SLC35D4: variants seen among roughly 807,000 people sequenced by gnomAD.
The protein encoded by SLC35D4 is solute carrier family 35 member D4.
the SLC35D4 span, among the ~76,000 whole-genome samples, chr18:23,380,041 G>T: frequency 6.6e-6 from 1 of 152,052 alleles, no homozygotes; most frequent in South Asian, 2.1e-4. Context: ...AGATTGCAGT[G>T]AACTGAGATC....
the SLC35D4 span, among the ~76,000 whole-genome samples, chr18:23,240,360 A>C: frequency 1.3e-5 from 2 of 152,190 alleles, no homozygotes; most frequent in African/African-American, 4.8e-5. Context: ...CCTTCCCCCT[A>C]CACACACACA....
the SLC35D4 span, chr18:23,385,107 T>A: frequency 6.3e-7 from 1 of 1,576,220 alleles, no homozygotes; most frequent in African/African-American, 1.3e-5. Flanking sequence ...AATATTTTCT[T>A]CGATCTCATA....
At chr18:23,287,079 C>T in the SLC35D4 span, among the ~76,000 whole-genome samples, 80 of 152,020 alleles carry the variant, frequency 5.3e-4, no homozygotes, top group Middle Eastern at 3.4e-3. Flanking sequence ...AGGATTAAAG[C>T]CTGTTATCAC....
the SLC35D4 span, among the ~76,000 whole-genome samples, chr18:23,273,874 A>G: frequency 6.6e-6 from 1 of 152,124 alleles, no homozygotes; most frequent in African/African-American, 2.4e-5. Flanking sequence ...ACATTACTAT[A>G]ATTTTTTTCC....
the SLC35D4 span, among the ~76,000 whole-genome samples, chr18:23,343,165 C>T: frequency 6.6e-6 from 1 of 152,206 alleles, no homozygotes; most frequent in South Asian, 2.1e-4. Flanking sequence ...TCAGGTGATC[C>T]ACCTGCCTCG....
chr18:23,260,582 C>CT, the SLC35D4 span: 1 of 152,538 alleles, frequency 6.6e-6, no homozygotes, highest in Non-Finnish European at 1.5e-5. Context: ...AGCCTGAAGC[C>CT]TTTCTGCCCT....
the SLC35D4 span, among the ~76,000 whole-genome samples, chr18:23,249,286 C>T: frequency 6.6e-6 from 1 of 152,164 alleles, no homozygotes; most frequent in African/African-American, 2.4e-5. Flanking sequence ...CAGGGCATCC[C>T]AGGAGGAGGT....
At chr18:23,341,030 C>T in the SLC35D4 span, among the ~76,000 whole-genome samples, 1 of 152,214 alleles carries the variant, frequency 6.6e-6, no homozygotes, top group Non-Finnish European at 1.5e-5. Flanking sequence ...CACACCACAT[C>T]TTCCTTTCAC....
chr18:23,336,015 T>G, the SLC35D4 span, among the ~76,000 whole-genome samples: 1 of 151,610 alleles, frequency 6.6e-6, no homozygotes, highest in Admixed American at 6.6e-5. Context: ...AAGATTGTGA[T>G]GATCAAAGGC....
At chr18:23,254,513 A>AAGAT in the SLC35D4 span, among the ~76,000 whole-genome samples, 1 of 152,358 alleles carries the variant, frequency 6.6e-6, no homozygotes, top group Admixed American at 6.5e-5. Flanking sequence ...ATCCATTGAG[A>AAGAT]AGATAGTTTG....
the SLC35D4 span, among the ~76,000 whole-genome samples, chr18:23,379,009 T>C: frequency 6.6e-6 from 1 of 152,326 alleles, no homozygotes; most frequent in East Asian, 1.9e-4. Flanking sequence ...CCAACCGTGC[T>C]GTACTGCCAT....
At chr18:23,428,066 G>A in the SLC35D4 span, among the ~76,000 whole-genome samples, 1 of 152,104 alleles carries the variant, frequency 6.6e-6, no homozygotes, top group African/African-American at 2.4e-5. Flanking sequence ...TACACCTAAT[G>A]TAAATGACGA....
chr18:23,401,485 T>C, the SLC35D4 span, among the ~76,000 whole-genome samples: 3 of 152,226 alleles, frequency 2.0e-5, no homozygotes, highest in Non-Finnish European at 4.4e-5. Context: ...CATCCTCCAT[T>C]GCAATGGATC....
chr18:23,355,750 G>T, the SLC35D4 span, among the ~76,000 whole-genome samples: 37 of 152,034 alleles, frequency 2.4e-4, no homozygotes, highest in African/African-American at 8.9e-4. Flanking sequence ...AATTCTTCAC[G>T]ATCTATTGAC....
the SLC35D4 span, chr18:23,421,550 T>C: frequency 1.1e-6 from 1 of 904,892 alleles, no homozygotes; most frequent in Non-Finnish European, 1.8e-6. Context: ...AGTTCAACTC[T>C]ATTTACTACT....
chr18:23,250,721 A>T, the SLC35D4 span, among the ~76,000 whole-genome samples: 2 of 152,136 alleles, frequency 1.3e-5, no homozygotes, highest in Non-Finnish European at 2.9e-5. Flanking sequence ...CCACATCTGG[A>T]CCAGGTCAGG....
At chr18:23,257,252 A>T in the SLC35D4 span, 1 of 1,604,900 alleles carries the variant, frequency 6.2e-7, no homozygotes, top group African/African-American at 1.3e-5. Context: ...TTCCGGCTGA[A>T]CAGGCGAGAA....
At chr18:23,379,785 A>G in the SLC35D4 span, among the ~76,000 whole-genome samples, 19 of 152,148 alleles carry the variant, frequency 1.2e-4, no homozygotes, top group African/African-American at 4.3e-4. Context: ...ATGGGTTATT[A>G]TAACTCCTCA....
chr18:23,257,441 G>T, the SLC35D4 span: 1 of 1,464,596 alleles, frequency 6.8e-7, no homozygotes, highest in Admixed American at 2.5e-5. Flanking sequence ...TACTGGAAAT[G>T]AAAAAAAGTA....
Sources: gnomAD v4.1 joint callset for allele counts (sites outside exome capture counted in the v4.1 genomes callset) on GRCh38, gnomAD v4.1.1 for gene constraint, MANE v1.5 for transcripts, NCBI Gene and HGNC (gene_info 2026-07-23, HGNC 2026-07-21) for gene names.